CAPN1: variants seen among roughly 807,000 people sequenced by gnomAD.
The protein encoded by CAPN1 is calpain 1.
Under a neutral mutation model 105.2 loss-of-function variants are expected in CAPN1, and 77 were observed. That is an observed-to-expected ratio of 0.73 (90% CI 0.61 to 0.88). The LOEUF is 0.88. Among genes scored for constraint, CAPN1 ranks in the 40% least tolerant of loss-of-function variants. The pLI is 0.00. For synonymous variants in CAPN1, 355 were observed against 388.8 expected (o/e 0.91, Z 1.02); for missense variants, 833 against 976.6 (o/e 0.85, Z 1.96).
upstream of CAPN1, chr11:65,181,678 T>G (rs1355916401): frequency 2.6e-5 from 7 of 272,778 alleles, no homozygotes; most frequent in Non-Finnish European, 4.5e-5. The surrounding 1 kb of genome is among the most constrained non-coding windows in gnomAD (Gnocchi z 4.6). Flanking sequence ...AGCCCCCCCA[T>G]CCCCCCCCGC....
intron 10 of CAPN1, among the ~76,000 whole-genome samples, chr11:65,191,397 A>T (rs1404080174): frequency 6.6e-6 from 1 of 152,212 alleles, no homozygotes; most frequent in East Asian, 1.9e-4. Flanking sequence ...AAATTTTTTA[A>T]AACTAATTAA....
chr11:65,207,973 T>C (rs1279902412), intron 14 of CAPN1, 82 bp from the exon 15 acceptor site: 2 of 960,540 alleles, frequency 2.1e-6, no homozygotes, highest in Non-Finnish European at 3.2e-6. Context: ...AGCAGATATG[T>C]GACCTCAGCC....
rs745721424 is a variant in CAPN1 at position 65,208,307 on chromosome 11, C to A, written c.1729+45C>A. On this transcript the variant is annotated intron_variant, in intron 16 of 21. Transcript: ENST00000279247. This position sits in a 1 kb window ranked among gnomAD's most constrained non-coding sequence, Gnocchi z 4.1. ...TCCCACCACCCCACCATTTCTTCCA[C>A]ATCAGAATCCAGGCTCCTGCTCACA... 3.3e-6 allele frequency: 5 copies of A among 1,508,764 alleles called. No homozygotes were observed. The highest frequency in any genetic ancestry group is 4.5e-6 in the Non-Finnish European group (5 of 1,108,174). The allele number at this position is 1,508,764 out of a possible 1,614,324, so 93.5% of individuals were successfully genotyped here.
chr11:65,208,140 G>A lies in CAPN1; in HGVS notation c.1671+20G>A, dbSNP rs775590992. The A allele has an allele frequency of 1.9e-6, 3 of 1,603,626 alleles. No individual in the cohort carries two copies. In the African/African-American group the frequency reaches 4.0e-5, roughly 21 times the overall value. On this transcript the variant is annotated intron_variant, in intron 15 of 21. Coordinates refer to ENST00000279247, the MANE Select transcript of CAPN1 (RefSeq NM_005186.4). The surrounding 1 kb of genome is among the most constrained non-coding windows in gnomAD (Gnocchi z 4.1). ...GGGGAGGTAGGTTGGGGCATGGCAG[G>A]TTGGGAGGGGCCTGTGAGGGGCAGC...
chr11:65,194,486 G>T (rs1325235555), intron 10 of CAPN1, among the ~76,000 whole-genome samples: 1 of 152,094 alleles, frequency 6.6e-6, no homozygotes, highest in Non-Finnish European at 1.5e-5. Flanking sequence ...AAATTTAGTG[G>T]TTTTTAGTGT....
In CAPN1 at chr11:65,210,558, T is replaced by G; in HGVS notation, c.2059+106T>G. 1.3e-6 allele frequency: 1 copy of G among 773,608 alleles called. No homozygotes were observed. The highest frequency in any genetic ancestry group is 2.2e-6 in the Non-Finnish European group (1 of 449,966). 47.9% of individuals were successfully genotyped at this position (773,608 alleles called of 1,614,324 possible). A position where few individuals can be genotyped will look rare whatever the true frequency, so the allele number is the denominator to read the frequency against. On this transcript the variant is annotated intron_variant, in intron 20 of 21. Transcript: ENST00000279247. The surrounding 1 kb of genome is among the most constrained non-coding windows in gnomAD (Gnocchi z 4.3). ...TGAATTAGCAGATACAGGCCAGTGC[T>G]GTGGGTGTGTGCCAGAGAGGCCTGG... is the stretch of plus-strand genomic sequence containing the variant.
chr11:65,207,160 A>G (rs1004894763), intron 14 of CAPN1, among the ~76,000 whole-genome samples: 18 of 149,160 alleles, frequency 1.2e-4, no homozygotes, highest in Non-Finnish European at 2.5e-4. Context: ...AGGTTAGGGA[A>G]CTTGCCTGAG....
At position 65,182,699 on chromosome 11, in the gene CAPN1, A is replaced by G; in HGVS notation, c.-1-2A>G. The G allele has an allele frequency of 1.9e-6, 3 of 1,551,542 alleles. No homozygotes were observed. Among genetic ancestry groups the G allele is most frequent in the Non-Finnish European group, 2.6e-6 (3 of 1,147,996 alleles). ...TTCTGAGCAGGCCCATCTGTCCGGC[A>G]GGATGTCGGAGGAGATCATCACGCC... On this transcript the variant is annotated splice_acceptor_variant, in intron 1 of 21. Coordinates refer to ENST00000279247, the MANE Select transcript of CAPN1 (RefSeq NM_005186.4). LOFTEE classifies it low-confidence loss of function (5UTR_SPLICE).
chr11:65,209,383 T>TG lies in CAPN1; in HGVS notation c.1792dup (p.Asp598GlyfsTer3), dbSNP rs1249324213. On this transcript the variant is annotated frameshift_variant, in exon 17 of 22. Transcript: ENST00000279247. LOFTEE classifies it high-confidence loss of function. The surrounding 1 kb of genome is among the most constrained non-coding windows in gnomAD (Gnocchi z 4.1). ...TCGTGCCGCAGCATGGTGAACCTCATGGATGTATCCTTCCGTTTGCTTTTG... is the reference window on the plus strand; with the variant it reads ...TCGTGCCGCAGCATGGTGAACCTCATGGGATGTATCCTTCCGTTTGCTTTTG... 1 of 1,613,468 alleles carries TG rather than the reference T, an allele frequency of 6.2e-7. No individual in the cohort carries two copies. Among genetic ancestry groups the TG allele is most frequent in the Non-Finnish European group, 8.5e-7 (1 of 1,179,548 alleles).
chr11:65,200,754 A>C (rs968344125), intron 10 of CAPN1, among the ~76,000 whole-genome samples: 4 of 151,098 alleles, frequency 2.6e-5, no homozygotes, highest in Non-Finnish European at 4.4e-5. Context: ...TATCCTCCCA[A>C]GTAGCTGGGA....
chr11:65,209,215 A>G lies in CAPN1; in HGVS notation c.1730-108A>G. ...ACTTCCTCTGCCAGATATTGCACCC[A>G]CTCGTCAGGATTTGTGCGTCCTTGA... On this transcript the variant is annotated intron_variant, in intron 16 of 21. Coordinates refer to ENST00000279247, the MANE Select transcript of CAPN1 (RefSeq NM_005186.4). The surrounding 1 kb of genome is among the most constrained non-coding windows in gnomAD (Gnocchi z 4.1). 1.3e-6 allele frequency: 1 copy of G among 781,236 alleles called. No homozygotes were observed. The highest frequency in any genetic ancestry group is 2.2e-6 in the Non-Finnish European group (1 of 447,182). The allele number at this position is 781,236 out of a possible 1,614,324, so 48.4% of individuals were successfully genotyped here.
At chr11:65,192,176 A>G (rs1324786671) in intron 10 of CAPN1, among the ~76,000 whole-genome samples, 1 of 152,188 alleles carries the variant, frequency 6.6e-6, no homozygotes, top group African/African-American at 2.4e-5. Flanking sequence ...TAGAGGCTAC[A>G]GTGAGCCATG....
intron 10 of CAPN1, 84 bp from the exon 11 acceptor site, chr11:65,204,599 C>T (rs1461083795): frequency 5.8e-6 from 7 of 1,207,900 alleles, no homozygotes; most frequent in Non-Finnish European, 8.4e-6. Flanking sequence ...TGAATGCGTG[C>T]ACAGGGACGT....
Position 65,188,200 on chromosome 11 carries a change from G to A in CAPN1, c.929+160G>A. 2 of 689,608 alleles carry A rather than the reference G, an allele frequency of 2.9e-6. No homozygotes were observed. Among genetic ancestry groups the A allele is most frequent in the Non-Finnish European group, 2.4e-6 (1 of 409,152 alleles). 42.7% of individuals were successfully genotyped at this position (689,608 alleles called of 1,614,324 possible). A position where few individuals can be genotyped will look rare whatever the true frequency, so the allele number is the denominator to read the frequency against. ...GGGGGACTGCTCTGACAAAGCTCAG[G>A]CCGTGCGGGCCCCTGTGCCCAGCCG... On this transcript the variant is annotated intron_variant, in intron 8 of 21. Coordinates refer to ENST00000279247, the MANE Select transcript of CAPN1 (RefSeq NM_005186.4). The surrounding 1 kb of genome is among the most constrained non-coding windows in gnomAD (Gnocchi z 5.5).
rs1949049441 is a variant in CAPN1 at position 65,211,511 on chromosome 11, C to T, written c.*225C>T. On this transcript the variant is annotated 3_prime_UTR_variant, in exon 22 of 22. Transcript: ENST00000279247. ...CAGCCATGGGCTCGGGATGGACTCC[C>T]TGGGCCCCACCCATTGCCAAGCCAG... The T allele has an allele frequency of 8.4e-6, 5 of 593,726 alleles. No individual in the cohort carries two copies. Among genetic ancestry groups the T allele is most frequent in the Middle Eastern group, 4.4e-4 (1 of 2,252 alleles). The allele number at this position is 593,726 out of a possible 1,614,324, so 36.8% of individuals were successfully genotyped here.
chr11:65,199,291 T>C (rs1463176023), intron 10 of CAPN1, among the ~76,000 whole-genome samples: 5 of 152,170 alleles, frequency 3.3e-5, no homozygotes, highest in Non-Finnish European at 7.3e-5. Context: ...AAAGACACTA[T>C]TAGTCCTGTT....
In CAPN1 at chr11:65,210,904, A is replaced by G; in HGVS notation, c.2118+32A>G. ...ACCTCCCTGGGCCCATGGTTGGGGA[A>G]GAGTTCCAGGCGATCGAATTTTCTT... On this transcript the variant is annotated intron_variant, in intron 21 of 21. Transcript: ENST00000279247. The surrounding 1 kb of genome is among the most constrained non-coding windows in gnomAD (Gnocchi z 4.3). The G allele has an allele frequency of 6.4e-7, 1 of 1,566,438 alleles. No homozygotes were observed. Among genetic ancestry groups the G allele is most frequent in the Non-Finnish European group, 8.8e-7 (1 of 1,136,754 alleles).
In CAPN1 at chr11:65,210,245, GC is replaced by G; in HGVS notation, c.1943-87del. On this transcript the variant is annotated intron_variant, in intron 19 of 21. Coordinates refer to ENST00000279247, the MANE Select transcript of CAPN1 (RefSeq NM_005186.4). This position sits in a 1 kb window ranked among gnomAD's most constrained non-coding sequence, Gnocchi z 4.3. ...CCCACGGTTACTAGCACCCTGCCTA[GC>G]CCCAGCCCCCTCCTGGGGACCCAAC... 8.7e-7 allele frequency: 1 copy of G among 1,153,202 alleles called. No individual in the cohort carries two copies. Among genetic ancestry groups the G allele is most frequent in the Non-Finnish European group, 1.3e-6 (1 of 779,176 alleles). 71.4% of individuals were successfully genotyped at this position (1,153,202 alleles called of 1,614,324 possible).
Position 65,205,690 on chromosome 11 carries a change from C to G in CAPN1, c.1342-20C>G. ...TGGGACAAACACACATCTCTGACTT[C>G]CCCTGTCTCTCTATTGCAGGTCCCT... is the stretch of plus-strand genomic sequence containing the variant. On this transcript the variant is annotated intron_variant, in intron 11 of 21. Transcript: ENST00000279247. The G allele has an allele frequency of 6.2e-7, 1 of 1,613,408 alleles. No homozygotes were observed. Among genetic ancestry groups the G allele is most frequent in the Non-Finnish European group, 8.5e-7 (1 of 1,179,378 alleles).
Sources: allele counts gnomAD v4.1 joint callset (sites outside exome capture counted in the v4.1 genomes callset), GRCh38; gene constraint gnomAD v4.1.1; non-coding constraint Gnocchi (gnomAD v3.1); transcripts MANE v1.5; gene names NCBI Gene and HGNC (gene_info 2026-07-23, HGNC 2026-07-21).